Variants in CACNA2D1 observed in about 807,000 individuals in gnomAD.
CACNA2D1 encodes the protein calcium voltage-gated channel auxiliary subunit alpha2delta 1.
A neutral mutation model predicts 171.5 loss-of-function variants in CACNA2D1; 53 were observed. That is an observed-to-expected ratio of 0.31 (90% CI 0.25 to 0.39). CACNA2D1 has a LOEUF of 0.39. Ranked by LOEUF, CACNA2D1 falls within the 10% of genes least tolerant of loss-of-function variation. The pLI is 1.00. For synonymous variants in CACNA2D1, 442 were observed against 443.1 expected (o/e 1.00, Z 0.03); for missense variants, 903 against 1,299.8 (o/e 0.69, Z 4.69).
chr7:82,051,433 G>A (rs1019960727), intron 10 of CACNA2D1, among the ~76,000 whole-genome samples: 1 of 152,062 alleles, frequency 6.6e-6, no homozygotes, highest in African/African-American at 2.4e-5. Flanking sequence ...TTTCCTACAA[G>A]CAAGAGCAAA....
intron 12 of CACNA2D1, among the ~76,000 whole-genome samples, chr7:82,030,474 C>T (rs931670127): frequency 1.3e-5 from 2 of 150,934 alleles, no homozygotes; most frequent in African/African-American, 4.8e-5. Context: ...TATTTATATA[C>T]TTTTAGTTAA....
At chr7:82,210,999 T>G (rs1800491356) in intron 3 of CACNA2D1, among the ~76,000 whole-genome samples, 1 of 152,124 alleles carries the variant, frequency 6.6e-6, no homozygotes, top group Non-Finnish European at 1.5e-5. Flanking sequence ...TAAAAGGATT[T>G]TCCCATATGA....
At chr7:82,273,586 C>T (rs1808920659) in intron 3 of CACNA2D1, among the ~76,000 whole-genome samples, 1 of 152,116 alleles carries the variant, frequency 6.6e-6, no homozygotes, top group South Asian at 2.1e-4. Context: ...CTCCTGGCCT[C>T]AAGTGATCCT....
At chr7:81,962,593 G>GACAT in intron 34 of CACNA2D1, 98 bp from the exon 35 acceptor site, 1 of 757,774 alleles carries the variant, frequency 1.3e-6, no homozygotes, top group Non-Finnish European at 2.3e-6. Context: ...TATCTTTTTG[G>GACAT]GAAAGAAAGT....
intron 18 of CACNA2D1, among the ~76,000 whole-genome samples, chr7:81,997,652 T>TTTTAAAA (rs1292464027): frequency 2.1e-5 from 3 of 141,176 alleles, no homozygotes; most frequent in African/African-American, 8.7e-5. Flanking sequence ...GTAAGCATAC[T>TTTTAAAA]TTTAAAATTT....
chr7:82,373,513 TC>T (rs1822653018), intron 1 of CACNA2D1, among the ~76,000 whole-genome samples: 1 of 152,196 alleles, frequency 6.6e-6, no homozygotes, highest in South Asian at 2.1e-4. Context: ...TGTTACAGGA[TC>T]TCATACATAA....
intron 4 of CACNA2D1, among the ~76,000 whole-genome samples, chr7:82,137,014 A>G (rs997439924): frequency 9.2e-5 from 14 of 152,224 alleles, no homozygotes; most frequent in Non-Finnish European, 1.6e-4. Context: ...ATAATTCAAG[A>G]AGCATGTAAG....
chr7:82,017,330 T>C (rs1800620916), intron 12 of CACNA2D1, among the ~76,000 whole-genome samples: 1 of 152,168 alleles, frequency 6.6e-6, no homozygotes, highest in Non-Finnish European at 1.5e-5. Flanking sequence ...GCCATACCAT[T>C]GTTGAACTTG....
intron 3 of CACNA2D1, among the ~76,000 whole-genome samples, chr7:82,311,626 T>C (rs1814479605): frequency 6.6e-6 from 1 of 152,218 alleles, no homozygotes; most frequent in Non-Finnish European, 1.5e-5. Context: ...ACCTTTCTAC[T>C]GCTCTCTCCA....
At chr7:82,350,692 CA>C (rs906740180) in intron 1 of CACNA2D1, among the ~76,000 whole-genome samples, 2 of 151,974 alleles carry the variant, frequency 1.3e-5, no homozygotes, top group African/African-American at 4.8e-5. Flanking sequence ...ACAACAACAA[CA>C]AAAAAATTAT....
intron 3 of CACNA2D1, among the ~76,000 whole-genome samples, chr7:82,220,332 T>G (rs911879597): frequency 6.6e-6 from 1 of 152,192 alleles, no homozygotes; most frequent in East Asian, 1.9e-4. Context: ...AAATCTACTT[T>G]AAGAAATTCG....
chr7:82,348,446 T>C (rs1819491607), intron 2 of CACNA2D1, among the ~76,000 whole-genome samples: 1 of 152,136 alleles, frequency 6.6e-6, no homozygotes, highest in South Asian at 2.1e-4. Flanking sequence ...CTTGGCAGCC[T>C]GCACAGTGTC....
chr7:82,031,962 T>C (rs776547186), intron 12 of CACNA2D1, among the ~76,000 whole-genome samples: 88 of 152,102 alleles, frequency 5.8e-4, no homozygotes, highest in Middle Eastern at 3.4e-3. Context: ...AGAAAGAGTT[T>C]ATAATTTCTC....
At chr7:82,061,484 T>G (rs1806905993) in intron 9 of CACNA2D1, among the ~76,000 whole-genome samples, 1 of 152,114 alleles carries the variant, frequency 6.6e-6, no homozygotes, top group Non-Finnish European at 1.5e-5. Context: ...ACCTAATATT[T>G]TTAACAGCTC....
intron 12 of CACNA2D1, among the ~76,000 whole-genome samples, chr7:82,025,956 G>A (rs1405684922): frequency 6.6e-6 from 1 of 151,118 alleles, no homozygotes; most frequent in Non-Finnish European, 1.5e-5. Flanking sequence ...TATATATTTA[G>A]ATGTTCTGAT....
At chr7:81,980,184 A>AAG (rs1181336275) in intron 24 of CACNA2D1, among the ~76,000 whole-genome samples, 1 of 144,742 alleles carries the variant, frequency 6.9e-6, no homozygotes, top group Non-Finnish European at 1.5e-5. Context: ...AAAAAAAAAA[A>AAG]AAAAAAAAAA....
chr7:82,260,040 T>G (rs1259835035), intron 3 of CACNA2D1, among the ~76,000 whole-genome samples: 1 of 152,030 alleles, frequency 6.6e-6, no homozygotes, highest in East Asian at 1.9e-4. Flanking sequence ...CTGGCCAACA[T>G]GGTGAAGTCC....
intron 5 of CACNA2D1, among the ~76,000 whole-genome samples, chr7:82,117,403 C>A (rs1789193633): frequency 6.6e-6 from 1 of 152,142 alleles, no homozygotes; most frequent in Non-Finnish European, 1.5e-5. Context: ...CTCCTGATTT[C>A]CTCAATGTTG....
intron 6 of CACNA2D1, among the ~76,000 whole-genome samples, chr7:82,087,209 T>C (rs1486867652): frequency 6.6e-6 from 1 of 152,162 alleles, no homozygotes; most frequent in African/African-American, 2.4e-5. Context: ...TTCCATGTGT[T>C]AGTATATAGT....
Sources: allele counts gnomAD v4.1 joint callset (sites outside exome capture counted in the v4.1 genomes callset), GRCh38; gene constraint gnomAD v4.1.1; transcripts MANE v1.5; gene names NCBI Gene and HGNC (gene_info 2026-07-23, HGNC 2026-07-21).